The following INPP4B variants were observed in gnomAD, a reference collection of about 807,000 sequenced individuals.
INPP4B encodes inositol polyphosphate 4-phosphatase type II.
Under a neutral mutation model 122.5 loss-of-function variants are expected in INPP4B, and 55 were observed. The observed-to-expected ratio is 0.45, with a 90% CI of 0.36 to 0.56. INPP4B has a LOEUF of 0.56. Among genes scored for constraint, INPP4B ranks in the 20% least tolerant of loss-of-function variants. The pLI, the probability that INPP4B is intolerant of heterozygous loss-of-function variation, is 0.00. For synonymous variants in INPP4B, 403 were observed against 388.7 expected, an observed-to-expected ratio of 1.04 and a Z score of -0.43; for missense variants, 1,000 against 1,097.7, an observed-to-expected ratio of 0.91 and a Z score of 1.26.
chr4:142,627,414 TG>T (rs1246064861), intron 2 of INPP4B, among the ~76,000 whole-genome samples: 1 of 145,608 alleles, frequency 6.9e-6, no homozygotes, highest in African/African-American at 2.6e-5. Context: ...CTTATTATTT[TG>T]AGATACGTCC....
intron 5 of INPP4B, among the ~76,000 whole-genome samples, chr4:142,427,982 T>G (rs1808472369): frequency 1.3e-5 from 2 of 151,778 alleles, no homozygotes; most frequent in Non-Finnish European, 2.9e-5. Context: ...ACTATAAAAT[T>G]TTCTTGAGTT....
intron 1 of INPP4B, among the ~76,000 whole-genome samples, chr4:142,778,591 C>T (rs1008592768): frequency 5.3e-5 from 8 of 152,140 alleles, no homozygotes; most frequent in South Asian, 2.1e-4. Flanking sequence ...CAATATGGCA[C>T]GCTTCCATCA....
chr4:142,514,760 T>C (rs1377845868), intron 2 of INPP4B, among the ~76,000 whole-genome samples: 2 of 151,002 alleles, frequency 1.3e-5, no homozygotes, highest in Non-Finnish European at 3.0e-5. Flanking sequence ...AAGAGAGGTA[T>C]ACACTGCCAT....
intron 1 of INPP4B, among the ~76,000 whole-genome samples, chr4:142,752,210 T>C (rs1470997620): frequency 1.3e-5 from 2 of 151,988 alleles, no homozygotes; most frequent in East Asian, 3.9e-4. Context: ...CACATCCAGC[T>C]GAAAAAGAAA....
intron 1 of INPP4B, among the ~76,000 whole-genome samples, chr4:142,771,596 A>G (rs1361826449): frequency 6.6e-6 from 1 of 152,146 alleles, no homozygotes; most frequent in Non-Finnish European, 1.5e-5. Flanking sequence ...GACAGGACTT[A>G]TTCATGAATA....
chr4:142,398,402 AT>A (rs1177253121), intron 7 of INPP4B, among the ~76,000 whole-genome samples: 838 of 6,202 alleles, frequency 0.14, 65 homozygotes, highest in African/African-American at 0.21. Context: ...AAAAAAAAAA[AT>A]ATATATATAT....
intron 14 of INPP4B, among the ~76,000 whole-genome samples, chr4:142,203,262 A>G (rs1195655633): frequency 6.6e-6 from 1 of 152,164 alleles, no homozygotes; most frequent in South Asian, 2.1e-4. Context: ...TAATGCAGTT[A>G]TATAAAGAAG....
At chr4:142,642,817 A>G (rs911057892) in intron 2 of INPP4B, among the ~76,000 whole-genome samples, 3 of 152,176 alleles carry the variant, frequency 2.0e-5, no homozygotes, top group Non-Finnish European at 4.4e-5. Context: ...AGTTATGGGT[A>G]GCTTGATGGG....
intron 3 of INPP4B, among the ~76,000 whole-genome samples, chr4:142,459,139 T>C (rs936991120): frequency 6.6e-6 from 1 of 152,114 alleles, no homozygotes; most frequent in African/African-American, 2.4e-5. Flanking sequence ...CCCTTGGTGT[T>C]TGTGTTTGTT....
At chr4:142,658,292 T>C (rs1207859450) in intron 2 of INPP4B, among the ~76,000 whole-genome samples, 1 of 152,202 alleles carries the variant, frequency 6.6e-6, no homozygotes, top group Non-Finnish European at 1.5e-5. Flanking sequence ...CTTTGGATAT[T>C]GTAACATTGG....
At chr4:142,294,544 C>A (rs551404085) in intron 9 of INPP4B, among the ~76,000 whole-genome samples, 2 of 151,980 alleles carry the variant, frequency 1.3e-5, no homozygotes, top group East Asian at 3.9e-4. Context: ...AAAGTGGACA[C>A]GCACGGGGAG....
intron 2 of INPP4B, among the ~76,000 whole-genome samples, chr4:142,626,143 T>C (rs1020321847): frequency 1.3e-5 from 2 of 152,126 alleles, no homozygotes; most frequent in East Asian, 3.9e-4. Flanking sequence ...GGGATCTCAT[T>C]AAACTAAAGA....
At chr4:142,152,075 T>C (rs1561301210) in intron 17 of INPP4B, among the ~76,000 whole-genome samples, 7 of 116,546 alleles carry the variant, frequency 6.0e-5, no homozygotes, top group Non-Finnish European at 8.2e-5. Flanking sequence ...TCTTTTTTTT[T>C]TTTTTTTTTT....
Position 142,765,723 on chromosome 4 carries a change from CTTTCT to C in INPP4B, c.-253-39827_-253-39823del, listed in dbSNP as rs565695371. ...AGTTGACAACATAGTATGCCAACAT[CTTTCT>C]TTTATTTATATAAACATGAACTAAA... On this transcript the variant is annotated intron_variant, in intron 1 of 25. Transcript: ENST00000262992. Among the ~76,000 whole-genome samples the C allele has an allele frequency of 1.1e-3, 163 of 152,194 alleles. 1 individual carries two copies. Among genetic ancestry groups the C allele is most frequent in the African/African-American group, 3.8e-3 (158 of 41,546 alleles).
chr4:142,244,425 G>A (rs1037267677), intron 11 of INPP4B, among the ~76,000 whole-genome samples: 7 of 149,346 alleles, frequency 4.7e-5, no homozygotes, highest in Non-Finnish European at 7.4e-5. Flanking sequence ...TCAGCCTCCC[G>A]AGTAGCTGGG....
At chr4:142,309,253 T>G (rs1013877644) in intron 8 of INPP4B, among the ~76,000 whole-genome samples, 1 of 152,078 alleles carries the variant, frequency 6.6e-6, no homozygotes, top group Admixed American at 6.6e-5. Flanking sequence ...AAGTATTTTT[T>G]AAAAAGTCTA....
intron 7 of INPP4B, among the ~76,000 whole-genome samples, chr4:142,399,189 C>CTTTTTTTTTTTTTTT (rs70949166): frequency 1.8e-5 from 1 of 56,992 alleles, no homozygotes. Flanking sequence ...TTTCCTTTTG[C>CTTTTTTTTTTTTTTT]TTTTTTTTTT....
chr4:142,436,098 G>A lies in INPP4B; in HGVS notation c.-126-4713C>T, dbSNP rs144934621. 3.8e-3 allele frequency among the ~76,000 whole-genome samples: 584 copies of A among 152,262 alleles called. 1 individual carries two copies. Among genetic ancestry groups the A allele is most frequent in the Non-Finnish European group, 5.9e-3 (402 of 68,014 alleles). ...CAGGGAGGCTGGACGACTGGGTCCC[G>A]AGAGGTATTCTCCACAGCCCAGCAC... On this transcript the variant is annotated intron_variant, in intron 3 of 25. Coordinates refer to ENST00000262992, the MANE Select transcript of INPP4B (RefSeq NM_001101669.3).
chr4:142,653,639 C>A lies in INPP4B; in HGVS notation c.-191+72200G>T, dbSNP rs1043070280. Among the ~76,000 whole-genome samples the A allele has an allele frequency of 6.6e-5, 10 of 152,100 alleles. No homozygotes were observed. The South Asian group carries it at 2.1e-3, about 32-fold the overall frequency. On this transcript the variant is annotated intron_variant, in intron 2 of 25. Transcript: ENST00000262992. ...AAAAAATGCTCATCATCACTGGTCA[C>A]CAGAGAAATGCAAATCAAAACCACA... is the stretch of plus-strand genomic sequence containing the variant.
Sources: gnomAD v4.1 joint callset for allele counts (sites outside exome capture counted in the v4.1 genomes callset) on GRCh38, gnomAD v4.1.1 for gene constraint, MANE v1.5 for transcripts, NCBI Gene and HGNC (gene_info 2026-07-23, HGNC 2026-07-21) for gene names.